The following SGK1 variants were observed in gnomAD, a reference collection of about 807,000 sequenced individuals.
SGK1 encodes serine/threonine-protein kinase Sgk1.
In SGK1, 26 loss-of-function variants were observed where a neutral mutation model predicts 64.2. The ratio of observed to expected loss-of-function variants is 0.40; its 90% CI spans 0.30 to 0.56. The LOEUF is 0.56. Ranked by LOEUF, SGK1 falls within the 20% of genes least tolerant of loss-of-function variation. The probability of loss-of-function intolerance (pLI) is 0.38; values close to 1 mark genes in which losing one functional copy is unlikely to be tolerated. For synonymous variants in SGK1, 265 were observed against 239.7 expected (o/e 1.11, Z -0.98); for missense variants, 519 against 645.6 (o/e 0.80, Z 2.12).
At chr6:134,233,623 C>T (rs145848812) in intron 2 of SGK1, among the ~76,000 whole-genome samples, 1 of 152,270 alleles carries the variant, frequency 6.6e-6, no homozygotes, top group African/African-American at 2.4e-5. Context: ...AAATTGCATA[C>T]TTGCATATGT....
intron 2 of SGK1, among the ~76,000 whole-genome samples, chr6:134,254,290 C>A (rs181281264): frequency 6.6e-6 from 1 of 152,250 alleles, no homozygotes; most frequent in South Asian, 2.1e-4. Context: ...AATACATGGA[C>A]ACGCACACAC....
At chr6:134,237,430 C>A (rs2114720943) in intron 2 of SGK1, among the ~76,000 whole-genome samples, 1 of 151,662 alleles carries the variant, frequency 6.6e-6, no homozygotes, top group East Asian at 2.0e-4. Flanking sequence ...AATCCCAGCA[C>A]TTTGGGAGGC....
intron 1 of SGK1, chr6:134,297,283 T>C: frequency 7.9e-7 from 1 of 1,273,568 alleles, no homozygotes; most frequent in Non-Finnish European, 1.1e-6. Context: ...AGGGCCAGCT[T>C]GACGTTCATC....
intron 1 of SGK1, among the ~76,000 whole-genome samples, chr6:134,292,701 G>C (rs567892262): frequency 6.6e-6 from 1 of 152,092 alleles, no homozygotes; most frequent in South Asian, 2.1e-4. Context: ...AAGATGAAAA[G>C]GATCCAAAAT....
intron 2 of SGK1, among the ~76,000 whole-genome samples, chr6:134,247,731 G>A (rs1776545408): frequency 6.6e-6 from 1 of 152,120 alleles, no homozygotes; most frequent in Admixed American, 6.6e-5. Context: ...AGCTGGCCTT[G>A]CCATGAAAAT....
In SGK1 at chr6:134,171,677, C is replaced by T. The variant is rs1338908765; in HGVS notation, c.1127G>A (p.Trp376Ter). The change falls in exon 11 of 14, where the codon TGG becomes TAG. Residue 376 changes from tryptophan (W) to a stop codon, truncating the protein, a stop_gained. Coordinates refer to ENST00000367858, the MANE Select transcript of SGK1 (RefSeq NM_001143676.3). LOFTEE classifies it high-confidence loss of function. ...CTCATACAAGACAGCTCCCAGGCAC[C>T]ACCAGTCCACAGTCCTGTCATAAGG... ...KQPYDRTVDW[W>*]CLGAVLYEML... 6.2e-7 allele frequency: 1 copy of T among 1,614,028 alleles called. No individual in the cohort carries two copies. Among genetic ancestry groups the T allele is most frequent in the East Asian group, 2.2e-5 (1 of 44,876 alleles).
In SGK1 at chr6:134,170,830, T is replaced by C; in HGVS notation, c.1409A>G (p.Asn470Ser). 1.9e-6 allele frequency: 3 copies of C among 1,588,684 alleles called. No individual in the cohort carries two copies. The highest frequency in any genetic ancestry group is 1.7e-6 in the Non-Finnish European group (2 of 1,157,174). Residue 470 changes from asparagine to serine, a missense_variant, in exon 13 of 14, where the codon AAT becomes AGT. Physicochemically the swap from Asn to Ser is conservative, Grantham distance 46 (BLOSUM62 1). Coordinates refer to ENST00000367858, the MANE Select transcript of SGK1 (RefSeq NM_001143676.3). ...AGAAGAGAGACAGATACTCACCACA[T>C]TTGGGTTAAAAGGGGGAGTAATCTT... is the stretch of plus-strand genomic sequence containing the variant. ...NKKITPPFNP[N>S]VSGPNDLRHF... is the part of the protein sequence containing the mutation.
At chr6:134,224,782 GC>G (rs1776142753) in intron 2 of SGK1, among the ~76,000 whole-genome samples, 1 of 151,970 alleles carries the variant, frequency 6.6e-6, no homozygotes, top group Non-Finnish European at 1.5e-5. Context: ...CAGCACTTTG[GC>G]AGGTCGAGGC....
intron 1 of SGK1, among the ~76,000 whole-genome samples, chr6:134,289,101 C>G (rs1363973408): frequency 6.6e-6 from 1 of 152,162 alleles, no homozygotes; most frequent in Non-Finnish European, 1.5e-5. Context: ...ATAGAGAAAC[C>G]TGTCTGAATC....
Position 134,271,904 on chromosome 6 carries a change from C to G in SGK1, c.70-9756G>C, listed in dbSNP as rs912309182. Among the ~76,000 whole-genome samples the G allele has an allele frequency of 2.8e-5, 4 of 140,888 alleles. 1 individual carries two copies. Among genetic ancestry groups the G allele is most frequent in the African/African-American group, 1.0e-4 (4 of 38,824 alleles). 92.4% of individuals were successfully genotyped at this position (140,888 alleles called of 152,430 possible). On this transcript the variant is annotated intron_variant, in intron 1 of 13. Transcript: ENST00000367858. ...TTGCCTAGGCTGGAGTGCAGTGATG[C>G]GATCTTGGCTCACTGCAACCTCCAC... is the stretch of plus-strand genomic sequence containing the variant.
In SGK1 at chr6:134,266,572, T is replaced by C. The variant is rs112502202; in HGVS notation, c.70-4424A>G. ...AGAGGTTGCAGTGAGCCTGAGATCA[T>C]GGCACTGCATTCCAGCCTGGGTGAA... On this transcript the variant is annotated intron_variant, in intron 1 of 13. Coordinates refer to ENST00000367858, the MANE Select transcript of SGK1 (RefSeq NM_001143676.3). 9.7e-3 allele frequency among the ~76,000 whole-genome samples: 1,475 copies of C among 152,168 alleles called. 26 individuals are homozygous for C. Among genetic ancestry groups the C allele is most frequent in the African/African-American group, 0.033 (1,386 of 41,542 alleles).
chr6:134,178,938 G>T (rs1775290421), intron 3 of SGK1, among the ~76,000 whole-genome samples: 1 of 151,986 alleles, frequency 6.6e-6, no homozygotes, highest in Non-Finnish European at 1.5e-5. Context: ...GTTTCCCAGT[G>T]CATGTGCATT....
chr6:134,315,601 T>C (rs1188698307), intron 1 of SGK1, among the ~76,000 whole-genome samples: 1 of 152,218 alleles, frequency 6.6e-6, no homozygotes, highest in African/African-American at 2.4e-5. Context: ...GTAACTTAAA[T>C]CTACATTGCT....
chr6:134,270,141 G>C (rs1172246823), intron 1 of SGK1, among the ~76,000 whole-genome samples: 2 of 147,694 alleles, frequency 1.4e-5, no homozygotes, highest in South Asian at 2.2e-4. Context: ...GGCTGATCTC[G>C]AACTCCTGAC....
At chr6:134,207,143 G>C (rs1010371564) in intron 3 of SGK1, among the ~76,000 whole-genome samples, 1 of 151,760 alleles carries the variant, frequency 6.6e-6, no homozygotes, top group Non-Finnish European at 1.5e-5. Flanking sequence ...GGAGAATGGC[G>C]TGAACCTGGG....
intron 3 of SGK1, among the ~76,000 whole-genome samples, chr6:134,192,603 C>T (rs943624304): frequency 2.6e-5 from 4 of 151,308 alleles, no homozygotes; most frequent in South Asian, 2.1e-4. Flanking sequence ...TCCATCCCCC[C>T]TCCCCCCATT....
intron 3 of SGK1, among the ~76,000 whole-genome samples, chr6:134,182,482 C>T (rs920926908): frequency 1.5e-4 from 23 of 149,600 alleles, no homozygotes; most frequent in South Asian, 4.2e-4. Flanking sequence ...GGCAACACAG[C>T]GAGACTCCGT....
chr6:134,277,530 A>T (rs1777035111), intron 1 of SGK1, among the ~76,000 whole-genome samples: 1 of 152,082 alleles, frequency 6.6e-6, no homozygotes, highest in Non-Finnish European at 1.5e-5. Context: ...GGCAGGTGTG[A>T]GAGGTGGGCA....
chr6:134,178,252 C>T (rs1029057372), intron 3 of SGK1, among the ~76,000 whole-genome samples: 1 of 152,116 alleles, frequency 6.6e-6, no homozygotes. Context: ...CACTTGGAGA[C>T]GGATGGTCGG....
Sources: gnomAD v4.1 joint callset for allele counts (sites outside exome capture counted in the v4.1 genomes callset) on GRCh38, gnomAD v4.1.1 for gene constraint, MANE v1.5 for transcripts, NCBI Gene and HGNC (gene_info 2026-07-23, HGNC 2026-07-21) for gene names.